Variants in MANBA observed in about 807,000 individuals in gnomAD.
The protein encoded by MANBA is beta-mannosidase.
Under a neutral mutation model 111.1 loss-of-function variants are expected in MANBA, and 83 were observed. That is an observed-to-expected ratio of 0.75 (90% CI 0.63 to 0.90). MANBA has a LOEUF of 0.90. Among genes scored for constraint, MANBA ranks in the 40% least tolerant of loss-of-function variants. The probability of loss-of-function intolerance (pLI) is 0.00; values close to 1 mark genes in which losing one functional copy is unlikely to be tolerated. For synonymous variants in MANBA, 370 were observed against 378.7 expected (o/e 0.98, Z 0.27); for missense variants, 1,036 against 1,069.0 (o/e 0.97, Z 0.43).
chr4:102,651,684 G>A (rs1730339567), intron 12 of MANBA, among the ~76,000 whole-genome samples: 1 of 151,998 alleles, frequency 6.6e-6, no homozygotes, highest in Admixed American at 6.6e-5. Flanking sequence ...GCAACACATG[G>A]GCCCATTACC....
At chr4:102,707,103 T>C (rs940332475) in intron 5 of MANBA, among the ~76,000 whole-genome samples, 1 of 152,112 alleles carries the variant, frequency 6.6e-6, no homozygotes, top group African/African-American at 2.4e-5. Flanking sequence ...ATCCATTCAA[T>C]AAGGCCTTCT....
At chr4:102,634,494 T>C (rs1478785840) in intron 16 of MANBA, among the ~76,000 whole-genome samples, 1 of 152,156 alleles carries the variant, frequency 6.6e-6, no homozygotes, top group Non-Finnish European at 1.5e-5. Flanking sequence ...CTAGTGGGCA[T>C]GCAGGCAGTG....
intron 12 of MANBA, among the ~76,000 whole-genome samples, chr4:102,651,882 C>T (rs546915209): frequency 4.8e-4 from 73 of 152,324 alleles, no homozygotes; most frequent in African/African-American, 1.6e-3. Flanking sequence ...ACAATCATCT[C>T]GCACACTTTT....
chr4:102,674,289 A>G (rs1432739356), intron 7 of MANBA, among the ~76,000 whole-genome samples: 1 of 152,196 alleles, frequency 6.6e-6, no homozygotes, highest in Non-Finnish European at 1.5e-5. Context: ...AGAAATATAG[A>G]AACCACTAAA....
intron 9 of MANBA, 148 bp downstream of exon 9, chr4:102,671,133 G>C (rs771139630): frequency 1.7e-5 from 11 of 648,416 alleles, no homozygotes; most frequent in Non-Finnish European, 2.8e-5. Flanking sequence ...TATGGCTCTT[G>C]GTTTACAAGA....
intron 13 of MANBA, among the ~76,000 whole-genome samples, chr4:102,649,445 T>C (rs918152122): frequency 1.3e-5 from 2 of 152,192 alleles, no homozygotes; most frequent in Admixed American, 6.6e-5. Flanking sequence ...ATTTTAGCCA[T>C]TCTGCTGGGT....
chr4:102,634,462 C>G lies in MANBA; in HGVS notation c.2415+326G>C, dbSNP rs6813322. Among the ~76,000 whole-genome samples, 83,136 of 151,638 alleles carry G rather than the reference C, an allele frequency of 0.55. 23,188 individuals are homozygous for G. The highest frequency in any genetic ancestry group is 0.63 in the African/African-American group (25,976 of 41,290). On this transcript the variant is annotated intron_variant, in intron 16 of 16. Coordinates refer to ENST00000647097, the MANE Select transcript of MANBA (RefSeq NM_005908.4). ...GAAAGTCAGAGACTATGAGGTGAAG[C>G]ACCTAGAACACAGCCTGGAACCTAG...
chr4:102,651,769 T>G (rs921054702), intron 12 of MANBA, among the ~76,000 whole-genome samples: 1 of 152,170 alleles, frequency 6.6e-6, no homozygotes, highest in Non-Finnish European at 1.5e-5. Context: ...CATATTAAAT[T>G]TGGAAGTTTT....
chr4:102,748,102 T>C (rs952721109), intron 1 of MANBA, among the ~76,000 whole-genome samples: 1 of 152,218 alleles, frequency 6.6e-6, no homozygotes, highest in African/African-American at 2.4e-5. Context: ...AGGAGGTGAC[T>C]GGAGCTGACA....
chr4:102,723,656 T>C lies in MANBA; in HGVS notation c.378+206A>G, dbSNP rs553987705. On this transcript the variant is annotated intron_variant, in intron 3 of 16. Transcript: ENST00000647097. ...CCAACATTTTATACAATTAGCTTAC[T>C]AAATCCCCACACTAACCCCATGGGG... Among the ~76,000 whole-genome samples the C allele has an allele frequency of 1.9e-4, 29 of 152,338 alleles. No individual in the cohort carries two copies. In the East Asian group the frequency reaches 5.0e-3, roughly 26 times the overall value.
chr4:102,672,448 T>C (rs1401002923), intron 8 of MANBA, among the ~76,000 whole-genome samples: 2 of 152,232 alleles, frequency 1.3e-5, no homozygotes, highest in African/African-American at 4.8e-5. Flanking sequence ...AAACATTTTT[T>C]TTCCTAGATC....
chr4:102,760,936 C>G lies in MANBA; in HGVS notation c.-42G>C. ...ACCGAGATGTGGAGAGATCGAAAGG[C>G]AGCGCTGCAAGGGACCGGCGGTGAA... On this transcript the variant is annotated 5_prime_UTR_variant, in exon 1 of 17. Coordinates refer to ENST00000647097, the MANE Select transcript of MANBA (RefSeq NM_005908.4). The G allele has an allele frequency of 6.5e-7, 1 of 1,532,984 alleles. No homozygotes were observed. The highest frequency in any genetic ancestry group is 8.8e-7 in the Non-Finnish European group (1 of 1,141,714). 95.0% of individuals were successfully genotyped at this position (1,532,984 alleles called of 1,614,324 possible).
intron 1 of MANBA, among the ~76,000 whole-genome samples, chr4:102,731,987 A>C (rs549049656): frequency 6.6e-6 from 1 of 151,888 alleles, no homozygotes; most frequent in African/African-American, 2.4e-5. Flanking sequence ...AGCTCACTGC[A>C]ACTTCAGCCT....
At chr4:102,672,993 A>G (rs1049492070) in intron 8 of MANBA, among the ~76,000 whole-genome samples, 3 of 151,624 alleles carry the variant, frequency 2.0e-5, no homozygotes, top group African/African-American at 4.9e-5. Context: ...CTTATTTACC[A>G]TGAATCCTAT....
chr4:102,736,524 T>A (rs1723221698), intron 1 of MANBA, among the ~76,000 whole-genome samples: 1 of 152,236 alleles, frequency 6.6e-6, no homozygotes, highest in African/African-American at 2.4e-5. Context: ...TTACCCCAGA[T>A]ACAATTACTT....
chr4:102,642,981 T>G (rs1440195432), intron 13 of MANBA, among the ~76,000 whole-genome samples: 1 of 152,212 alleles, frequency 6.6e-6, no homozygotes, highest in African/African-American at 2.4e-5. Context: ...TACCATAAAA[T>G]TCATCATTTT....
intron 9 of MANBA, 132 bp downstream of exon 9, chr4:102,671,149 T>C: frequency 2.8e-6 from 2 of 706,782 alleles, no homozygotes; most frequent in Non-Finnish European, 2.6e-6. Context: ...CAAGATGCCA[T>C]TTATTCCTAT....
Position 102,633,196 on chromosome 4 carries a change from T to C in MANBA, c.2416-915A>G, listed in dbSNP as rs144281209. 4.3e-3 allele frequency: 1,697 copies of C among 397,936 alleles called. 21 individuals are homozygous for C. Among genetic ancestry groups the C allele is most frequent in the African/African-American group, 0.032 (1,540 of 48,642 alleles). The allele number at this position is 397,936 out of a possible 1,614,324, so 24.7% of individuals were successfully genotyped here. On this transcript the variant is annotated intron_variant, in intron 16 of 16. Coordinates refer to ENST00000647097, the MANE Select transcript of MANBA (RefSeq NM_005908.4). ...AGCTTAATAAAGCGTATCAGGTTGC[T>C]CTTCAGGATCAGAGACTCAGGCTTG... is the stretch of plus-strand genomic sequence containing the variant.
At chr4:102,747,488 C>T (rs931398492) in intron 1 of MANBA, among the ~76,000 whole-genome samples, 42 of 152,204 alleles carry the variant, frequency 2.8e-4, no homozygotes, top group African/African-American at 9.9e-4. Flanking sequence ...CCTTTGACAA[C>T]ACCCTCACAG....
Sources: gnomAD v4.1 joint callset for allele counts (sites outside exome capture counted in the v4.1 genomes callset) on GRCh38, gnomAD v4.1.1 for gene constraint, MANE v1.5 for transcripts, NCBI Gene and HGNC (gene_info 2026-07-23, HGNC 2026-07-21) for gene names.